The following ERBIN variants were observed in gnomAD, a reference collection of about 807,000 sequenced individuals.
ERBIN encodes densin-180-like protein.
In ERBIN, 60 loss-of-function variants were observed where a neutral mutation model predicts 158.4. That is an observed-to-expected ratio of 0.38 (90% CI 0.31 to 0.47). The LOEUF is 0.47. ERBIN is among the 20% of genes least tolerant of loss of function. ERBIN has a pLI of 0.99. For synonymous variants in ERBIN, 594 were observed against 557.2 expected (o/e 1.07, Z -0.93); for missense variants, 1,610 against 1,648.0 (o/e 0.98, Z 0.40).
rs945136787 is a variant in ERBIN, at chr5:66,079,102, A to G, written c.*572A>G. 6.5e-6 allele frequency: 1 copy of G among 152,762 alleles called. No individual in the cohort carries two copies. Among genetic ancestry groups the G allele is most frequent in the African/African-American group, 2.4e-5 (1 of 41,444 alleles). The allele number at this position is 152,762 out of a possible 1,614,324, so 9.5% of individuals were successfully genotyped here. On this transcript the variant is annotated 3_prime_UTR_variant, in exon 26 of 26. Coordinates refer to ENST00000284037, the MANE Select transcript of ERBIN (RefSeq NM_001253697.2). ...CAGACTAAAACAGTTATTTTCTATA[A>G]AAATCTGGAAGCAAAGAATGGGGAT...
intron 1 of ERBIN, among the ~76,000 whole-genome samples, chr5:65,955,786 T>A (rs1272605386): frequency 6.6e-6 from 1 of 152,224 alleles, no homozygotes; most frequent in Non-Finnish European, 1.5e-5. Context: ...TTCTGCAATT[T>A]CAGTTACCCA....
In ERBIN at chr5:65,947,495, G is replaced by A. The variant is rs572282160; in HGVS notation, c.-58+20689G>A. 2.6e-5 allele frequency among the ~76,000 whole-genome samples: 4 copies of A among 152,208 alleles called. No individual in the cohort carries two copies. In the South Asian group the frequency reaches 8.3e-4, roughly 32 times the overall value. On this transcript the variant is annotated intron_variant, in intron 1 of 25. Coordinates refer to ENST00000284037, the MANE Select transcript of ERBIN (RefSeq NM_001253697.2). ...ATTTCTCCTTACAGATGAGATTTGAGGTGACACTTAATAGGATGTCAATAC... is the reference window on the plus strand; with the variant it reads ...ATTTCTCCTTACAGATGAGATTTGAAGTGACACTTAATAGGATGTCAATAC...
chr5:65,955,446 A>G (rs1746993068), intron 1 of ERBIN, among the ~76,000 whole-genome samples: 1 of 152,168 alleles, frequency 6.6e-6, no homozygotes, highest in African/African-American at 2.4e-5. Flanking sequence ...CCTGGCCAAC[A>G]TGGTGAAACC....
chr5:66,040,844 T>TAA (rs113407985), intron 15 of ERBIN, among the ~76,000 whole-genome samples: 1 of 116,830 alleles, frequency 8.6e-6, no homozygotes, highest in African/African-American at 2.7e-5. Flanking sequence ...GTGGGAAGAT[T>TAA]AAAAAAAAAA....
intron 1 of ERBIN, among the ~76,000 whole-genome samples, chr5:65,959,188 G>A (rs1561297237): frequency 1.3e-5 from 2 of 148,860 alleles, no homozygotes; most frequent in African/African-American, 4.9e-5. Flanking sequence ...GGTGTTACCA[G>A]TTTTTTTTTT....
At chr5:66,066,528 A>AAAAT (rs1561450810) in intron 21 of ERBIN, among the ~76,000 whole-genome samples, 199 of 150,806 alleles carry the variant, frequency 1.3e-3, no homozygotes, top group African/African-American at 4.7e-3. Context: ...AAAATAAAAA[A>AAAAT]AAAAAAACAA....
At chr5:66,007,361 G>T (rs183144) in intron 4 of ERBIN, among the ~76,000 whole-genome samples, 117,285 of 151,704 alleles carry the variant, frequency 0.77, 46,208 homozygotes, top group Non-Finnish European at 0.86. Flanking sequence ...GGCACAGGGA[G>T]GGGAACATCA....
chr5:65,973,886 G>C lies in ERBIN; in HGVS notation c.-57-14749G>C, dbSNP rs899471045. ...AAATGATTTTAAGGAAAAAAATTAG[G>C]TGCTGACTAAATAGAATTAGGGAAT... is the stretch of plus-strand genomic sequence containing the variant. On this transcript the variant is annotated intron_variant, in intron 1 of 25. Coordinates refer to ENST00000284037, the MANE Select transcript of ERBIN (RefSeq NM_001253697.2). Among the ~76,000 whole-genome samples, 9 of 151,280 alleles carry C rather than the reference G, an allele frequency of 5.9e-5. 1 individual carries two copies. Among genetic ancestry groups the C allele is most frequent in the Admixed American group, 1.3e-4 (2 of 15,242 alleles).
At chr5:65,985,882 C>A (rs962426679) in intron 1 of ERBIN, among the ~76,000 whole-genome samples, 1 of 152,174 alleles carries the variant, frequency 6.6e-6, no homozygotes, top group African/African-American at 2.4e-5. Context: ...TACACAGTGG[C>A]CATTCTAAGT....
At position 66,050,900 on chromosome 5, in the gene ERBIN, G is replaced by T; in HGVS notation, c.2021G>T (p.Ser674Ile). ...GATTCAGTTTCTCTTAATACTGATA[G>T]TAGTCAAGACACCTCACTCTGCTCT... ...MSDSVSLNTD[S>I]SQDTSLCSPV... is the part of the protein sequence containing the mutation. The change falls in exon 20 of 26, where the codon AGT (serine) becomes ATT (isoleucine). Residue 674 changes from serine to isoleucine, a missense_variant. Physicochemically the swap from Ser to Ile is moderately radical, Grantham distance 142. This residue lies in a region of ERBIN where 1,014 missense variants were observed against 936.1 expected (regional missense o/e 1.08). Coordinates refer to ENST00000284037, the MANE Select transcript of ERBIN (RefSeq NM_001253697.2). The T allele has an allele frequency of 3.7e-6, 6 of 1,606,046 alleles. No homozygotes were observed. Among genetic ancestry groups the T allele is most frequent in the Non-Finnish European group, 5.1e-6 (6 of 1,177,136 alleles).
intron 1 of ERBIN, among the ~76,000 whole-genome samples, chr5:65,952,527 C>T (rs1397222697): frequency 6.6e-6 from 1 of 151,902 alleles, no homozygotes; most frequent in Middle Eastern, 3.4e-3. Flanking sequence ...GGCGCCCCTG[C>T]TCCTGGCTTG....
At chr5:66,046,643 CAT>C (rs1758478826) in intron 18 of ERBIN, 105 bp downstream of exon 18, 1 of 905,756 alleles carries the variant, frequency 1.1e-6, no homozygotes, top group African/African-American at 1.7e-5. Flanking sequence ...TATGTTAATG[CAT>C]TCATCATTGA....
intron 7 of ERBIN, among the ~76,000 whole-genome samples, chr5:66,018,238 C>T (rs1755006056): frequency 6.7e-6 from 1 of 150,040 alleles, no homozygotes; most frequent in African/African-American, 2.4e-5. Flanking sequence ...ATAGGGATGA[C>T]ATTGAATCTG....
At chr5:66,013,091 G>A (rs1234263192) in intron 5 of ERBIN, among the ~76,000 whole-genome samples, 2 of 152,182 alleles carry the variant, frequency 1.3e-5, no homozygotes, top group East Asian at 3.9e-4. Context: ...GTAGAGATCA[G>A]TGTTGTAGCT....
At chr5:65,964,633 T>C (rs1022448652) in intron 1 of ERBIN, among the ~76,000 whole-genome samples, 49 of 152,172 alleles carry the variant, frequency 3.2e-4, no homozygotes, top group Non-Finnish European at 4.1e-4. Context: ...ATAGCCAACA[T>C]TTGTATGACA....
intron 1 of ERBIN, among the ~76,000 whole-genome samples, chr5:65,955,961 G>A (rs1358776830): frequency 6.6e-6 from 1 of 152,132 alleles, no homozygotes; most frequent in Non-Finnish European, 1.5e-5. Flanking sequence ...TATGATACCC[G>A]CCCATTAGTC....
At chr5:66,045,935 A>G (rs1433485506) in intron 17 of ERBIN, among the ~76,000 whole-genome samples, 2 of 152,214 alleles carry the variant, frequency 1.3e-5, no homozygotes, top group Admixed American at 6.5e-5. Flanking sequence ...TCGTCTGTAT[A>G]TTCCTTTAGG....
At chr5:66,047,794 G>A (rs991082334) in intron 18 of ERBIN, among the ~76,000 whole-genome samples, 3 of 151,930 alleles carry the variant, frequency 2.0e-5, no homozygotes, top group East Asian at 1.9e-4. Context: ...AATGTCACAG[G>A]CTGTGAAAAA....
At chr5:65,964,098 C>T (rs994105208) in intron 1 of ERBIN, among the ~76,000 whole-genome samples, 1 of 152,046 alleles carries the variant, frequency 6.6e-6, no homozygotes, top group African/African-American at 2.4e-5. Flanking sequence ...TGCGCCTGGC[C>T]GGTGTGACTA....
Sources: gnomAD v4.1 joint callset for allele counts (sites outside exome capture counted in the v4.1 genomes callset) on GRCh38, gnomAD v4.1.1 for gene constraint, gnomAD v4.1.1 regional missense constraint, MANE v1.5 for transcripts, NCBI Gene and HGNC (gene_info 2026-07-23, HGNC 2026-07-21) for gene names.